Variants in DENND6A observed in about 807,000 individuals in gnomAD.
DENND6A encodes DENN domain containing 6A.
Under a neutral mutation model 95.5 loss-of-function variants are expected in DENND6A, and 43 were observed. The ratio of observed to expected loss-of-function variants is 0.45; its 90% CI spans 0.35 to 0.58. The LOEUF (loss-of-function observed/expected upper bound fraction) is 0.58. Among genes scored for constraint, DENND6A ranks in the 20% least tolerant of loss-of-function variants. DENND6A has a pLI of 0.00. For synonymous variants in DENND6A, 257 were observed against 260.4 expected (o/e 0.99, Z 0.13); for missense variants, 574 against 736.0 (o/e 0.78, Z 2.55).
intron 1 of DENND6A, among the ~76,000 whole-genome samples, chr3:57,678,544 G>A (rs965456190): frequency 1.3e-5 from 2 of 152,146 alleles, no homozygotes; most frequent in East Asian, 3.8e-4. Flanking sequence ...AAAAATTCAC[G>A]TTAAAGCTCT....
chr3:57,663,554 A>G, intron 5 of DENND6A, 82 bp downstream of exon 5: 1 of 915,276 alleles, frequency 1.1e-6, no homozygotes, highest in Non-Finnish European at 1.6e-6. Flanking sequence ...CAAAGACTTT[A>G]AAGACTCTTA....
intron 11 of DENND6A, among the ~76,000 whole-genome samples, chr3:57,642,110 C>T (rs903266091): frequency 2.6e-5 from 4 of 151,842 alleles, no homozygotes; most frequent in East Asian, 3.9e-4. Context: ...GTTAGGAGTT[C>T]GAGGCCAACC....
chr3:57,681,065 G>T (rs1170381471), intron 1 of DENND6A, among the ~76,000 whole-genome samples: 1 of 152,140 alleles, frequency 6.6e-6, no homozygotes, highest in Non-Finnish European at 1.5e-5. Context: ...GAAAACACAT[G>T]TTCACACAAA....
intron 9 of DENND6A, 112 bp downstream of exon 9, chr3:57,657,568 C>T: frequency 4.4e-6 from 3 of 674,942 alleles, no homozygotes; most frequent in Non-Finnish European, 7.6e-6. Flanking sequence ...TAAAACATAA[C>T]TATTTTCTTC....
At chr3:57,658,765 G>A (rs759760299) in intron 8 of DENND6A, among the ~76,000 whole-genome samples, 1 of 152,118 alleles carries the variant, frequency 6.6e-6, no homozygotes, top group Non-Finnish European at 1.5e-5. Context: ...AAGGGCAATT[G>A]TAACTACAGA....
At chr3:57,644,519 G>C (rs2071024644) in intron 11 of DENND6A, among the ~76,000 whole-genome samples, 1 of 150,798 alleles carries the variant, frequency 6.6e-6, no homozygotes. Context: ...TGTTGCCCAG[G>C]CTGGTCTCTA....
intron 4 of DENND6A, among the ~76,000 whole-genome samples, chr3:57,664,026 TAAA>T (rs1559822459): frequency 6.6e-6 from 1 of 151,434 alleles, no homozygotes; most frequent in Non-Finnish European, 1.5e-5. Context: ...ATCTAAGTAC[TAAA>T]GTCAAATTTT....
chr3:57,642,780 C>T (rs2070976728), intron 11 of DENND6A, among the ~76,000 whole-genome samples: 1 of 151,984 alleles, frequency 6.6e-6, no homozygotes, highest in African/African-American at 2.4e-5. Context: ...CCGAGGTGGG[C>T]AGATCACCTG....
chr3:57,641,889 A>C, intron 11 of DENND6A, 142 bp from the exon 12 acceptor site: 1 of 573,854 alleles, frequency 1.7e-6, no homozygotes, highest in Non-Finnish European at 2.9e-6. Context: ...TATCAACTAC[A>C]TGCCAGGCAA....
chr3:57,674,621 G>C (rs969549146), intron 1 of DENND6A, among the ~76,000 whole-genome samples: 2 of 152,188 alleles, frequency 1.3e-5, no homozygotes, highest in South Asian at 2.1e-4. Flanking sequence ...CTGGGCTACA[G>C]AGCAAGACTC....
At chr3:57,691,669 C>A (rs1369261016) in intron 1 of DENND6A, among the ~76,000 whole-genome samples, 4 of 93,598 alleles carry the variant, frequency 4.3e-5, no homozygotes, top group Non-Finnish European at 5.9e-5. Flanking sequence ...TCACCAATAC[C>A]AAAAAAAAAA....
At chr3:57,666,027 A>C in intron 4 of DENND6A, 96 bp downstream of exon 4, 1 of 1,059,846 alleles carries the variant, frequency 9.4e-7, no homozygotes, top group Non-Finnish European at 1.4e-6. Flanking sequence ...AGCAAAACAA[A>C]AGCAAAATAT....
In DENND6A at chr3:57,692,820, C is replaced by T; in HGVS notation, c.199G>A (p.Val67Met). ...CCCAGCTCCAGGTCGAAGCCCACCA[C>T]ACACACGCAGTGCAGCCAGGCGGAG... is the stretch of plus-strand genomic sequence containing the variant. ...SFSAWLHCVC[V>M]VGFDLELGQA... Residue 67 changes from valine (V) to methionine (M), a missense_variant, in exon 1 of 20, where the codon GTG becomes ATG. Val to Met is a conservative substitution (Grantham distance 21, BLOSUM62 1). Transcript: ENST00000311128. 1 of 1,574,128 alleles carries T rather than the reference C, an allele frequency of 6.4e-7. No individual in the cohort carries two copies. The highest frequency in any genetic ancestry group is 8.6e-7 in the Non-Finnish European group (1 of 1,164,190).
chr3:57,647,674 T>C (rs1295998135), intron 9 of DENND6A, among the ~76,000 whole-genome samples: 1 of 151,966 alleles, frequency 6.6e-6, no homozygotes, highest in African/African-American at 2.4e-5. Flanking sequence ...GAAATGAGGG[T>C]ATCTCCATGG....
chr3:57,669,414 A>G (rs1429226969), intron 3 of DENND6A, among the ~76,000 whole-genome samples: 2 of 152,056 alleles, frequency 1.3e-5, no homozygotes, highest in Non-Finnish European at 2.9e-5. Flanking sequence ...GCATTAAATA[A>G]TATCTATGAG....
intron 1 of DENND6A, among the ~76,000 whole-genome samples, chr3:57,686,673 G>A (rs147160517): frequency 6.6e-6 from 1 of 152,036 alleles, no homozygotes; most frequent in Non-Finnish European, 1.5e-5. Context: ...TGTTACTATT[G>A]TAATTGTTTG....
rs1295517763 is a variant in DENND6A at position 57,661,505 on chromosome 3, G to C, written c.560C>G (p.Thr187Ser). Reference sequence around the variant, plus strand: ...CTCTGGTGCTATCTGTTTGAGCACAGTGTGAAAAAAATGAATATAAGGTAG... The same window carrying C: ...CTCTGGTGCTATCTGTTTGAGCACACTGTGAAAAAAATGAATATAAGGTAG... Reference protein sequence around the residue: ...SKLPYIHFFHTVLKQIAPEYF... With the variant: ...SKLPYIHFFHSVLKQIAPEYF... The change falls in exon 6 of 20, where the codon ACT becomes AGT. Residue 187 changes from threonine (T) to serine (S), a missense_variant. By Grantham distance (58) the Thr-to-Ser change is moderately conservative. Transcript: ENST00000311128. 6.3e-7 allele frequency: 1 copy of C among 1,581,920 alleles called. No individual in the cohort carries two copies. The highest frequency in any genetic ancestry group is 8.5e-7 in the Non-Finnish European group (1 of 1,172,804).
chr3:57,677,842 G>C (rs1318517091), intron 1 of DENND6A, among the ~76,000 whole-genome samples: 2 of 152,064 alleles, frequency 1.3e-5, no homozygotes, highest in Non-Finnish European at 2.9e-5. Context: ...CTTTGTATCA[G>C]ACTGCATTTA....
At position 57,657,733 on chromosome 3, in the gene DENND6A, C is replaced by T; in HGVS notation, c.765G>A (p.Val255=). 2.5e-6 allele frequency: 4 copies of T among 1,574,116 alleles called. No individual in the cohort carries two copies. Among genetic ancestry groups the T allele is most frequent in the South Asian group, 1.2e-5 (1 of 86,450 alleles). The change falls in exon 9 of 20, where the codon GTG becomes GTA. Residue 255 remains valine (V), a splice_region_variant and synonymous_variant. Coordinates refer to ENST00000311128, the MANE Select transcript of DENND6A (RefSeq NM_152678.3). ...GTAAAATAACAGATATATTTGTGTC[C>T]ACCTGAGAGATAGAAAAGAAAAATA... ...TTQIVQLTQQ[V]DTNISVILPT...
Sources: allele counts gnomAD v4.1 joint callset (sites outside exome capture counted in the v4.1 genomes callset), GRCh38; gene constraint gnomAD v4.1.1; transcripts MANE v1.5; gene names NCBI Gene and HGNC (gene_info 2026-07-23, HGNC 2026-07-21).